The following PLEKHO2 variants were observed in gnomAD, a reference collection of about 807,000 sequenced individuals.
The protein encoded by PLEKHO2 is pleckstrin homology domain containing O2.
PLEKHO2 carries 20 observed loss-of-function variants against 32.7 expected under a neutral mutation model. The observed-to-expected ratio is 0.61, with a 90% CI of 0.43 to 0.89. The LOEUF (loss-of-function observed/expected upper bound fraction) is 0.89, where lower values mean the gene tolerates loss of function less well. Among genes scored for constraint, PLEKHO2 ranks in the 40% least tolerant of loss-of-function variants. The pLI is 0.00. For synonymous variants in PLEKHO2, 247 were observed against 246.3 expected, an observed-to-expected ratio of 1.00 and a Z score of -0.03; for missense variants, 568 against 621.2, an observed-to-expected ratio of 0.91 and a Z score of 0.91.
Position 64,841,953 on chromosome 15 carries a change from G to A in PLEKHO2, c.-64G>A. The A allele has an allele frequency of 8.1e-7, 1 of 1,241,336 alleles. No homozygotes were observed. The highest frequency in any genetic ancestry group is 1.0e-6 in the Non-Finnish European group (1 of 992,422). 76.9% of individuals were successfully genotyped at this position (1,241,336 alleles called of 1,614,324 possible). Reference sequence around the variant, plus strand: ...TCGCCGCCTGGCCGGGCGTAGACGCGGTGGCAGAGCCCGCGCGGCGCTGGA... The same window carrying A: ...TCGCCGCCTGGCCGGGCGTAGACGCAGTGGCAGAGCCCGCGCGGCGCTGGA... On this transcript the variant is annotated 5_prime_UTR_variant, in exon 1 of 6. Coordinates refer to ENST00000323544, the MANE Select transcript of PLEKHO2 (RefSeq NM_025201.5).
chr15:64,865,906 G>A lies in PLEKHO2; in HGVS notation c.*18G>A, dbSNP rs770322623. On this transcript the variant is annotated 3_prime_UTR_variant, in exon 6 of 6. Transcript: ENST00000323544. ...CACCCTAGGGCCTTCTGGGCCAGAG[G>A]CACCATCCCTTCTGGCCATCCATCA... 6.3e-6 allele frequency: 10 copies of A among 1,586,762 alleles called. No individual in the cohort carries two copies. Among genetic ancestry groups the A allele is most frequent in the Non-Finnish European group, 7.7e-6 (9 of 1,170,232 alleles).
chr15:64,854,994 A>G lies in PLEKHO2; in HGVS notation c.236A>G (p.Lys79Arg). Residue 79 changes from lysine (K) to arginine (R), a missense_variant, in exon 3 of 6, where the codon AAG becomes AGG. By Grantham distance (26) the Lys-to-Arg change is conservative. Coordinates refer to ENST00000323544, the MANE Select transcript of PLEKHO2 (RefSeq NM_025201.5). ...EKCQDLRALL[K>R]RKHRFILLRS... The stretch of plus-strand genomic sequence containing the variant: ...TGCCAGGACCTTCGTGCCCTCCTCA[A>G]GCGAAAACACCGCTTTATCCTGCTG... The G allele has an allele frequency of 1.2e-6, 2 of 1,604,172 alleles. No homozygotes were observed. Among genetic ancestry groups the G allele is most frequent in the Non-Finnish European group, 1.7e-6 (2 of 1,175,334 alleles).
At chr15:64,849,845 A>G (rs866509499) in intron 2 of PLEKHO2, among the ~76,000 whole-genome samples, 2 of 150,482 alleles carry the variant, frequency 1.3e-5, no homozygotes. Flanking sequence ...AGCCTGCTCC[A>G]TTCAGCAGTG....
chr15:64,859,168 A>G (rs753324992), intron 3 of PLEKHO2, among the ~76,000 whole-genome samples: 6 of 152,288 alleles, frequency 3.9e-5, no homozygotes, highest in South Asian at 4.1e-4. Flanking sequence ...TTATCCATTC[A>G]TCTGTCAGTG....
chr15:64,864,881 T>C lies in PLEKHO2; in HGVS notation c.484-18T>C. 2 of 1,550,430 alleles carry C rather than the reference T, an allele frequency of 1.3e-6. No homozygotes were observed. The highest frequency in any genetic ancestry group is 1.7e-6 in the Non-Finnish European group (2 of 1,155,104). ...CTAGTCAGCCAAGATGACACCCATA[T>C]ACCATCCCCCCCACCAGGTGGCCAG... On this transcript the variant is annotated intron_variant, in intron 5 of 5. Coordinates refer to ENST00000323544, the MANE Select transcript of PLEKHO2 (RefSeq NM_025201.5).
Position 64,865,280 on chromosome 15 carries a change from G to C in PLEKHO2, c.865G>C (p.Glu289Gln). ...PQEAPAAESA[E>Q]PSQAPCSETS... ...GGAGGCCCCTGCTGCAGAGAGTGCA[G>C]AACCGTCCCAGGCACCCTGTTCTGA... is the stretch of plus-strand genomic sequence containing the variant. The change falls in exon 6 of 6, where the codon GAA becomes CAA. Residue 289 changes from glutamate (E) to glutamine (Q), a missense_variant. Physicochemically the swap from Glu to Gln is conservative, Grantham distance 29. Transcript: ENST00000323544. 1.9e-6 allele frequency: 3 copies of C among 1,613,938 alleles called. No individual in the cohort carries two copies. Among genetic ancestry groups the C allele is most frequent in the Non-Finnish European group, 2.5e-6 (3 of 1,179,874 alleles).
At position 64,865,768 on chromosome 15, in the gene PLEKHO2, G is replaced by A; in HGVS notation, c.1353G>A (p.Leu451=). 2.5e-6 allele frequency: 4 copies of A among 1,614,196 alleles called. No individual in the cohort carries two copies. The highest frequency in any genetic ancestry group is 3.4e-6 in the Non-Finnish European group (4 of 1,180,030). Residue 451 remains leucine (L), a synonymous_variant, in exon 6 of 6, where the codon CTG becomes CTA. Coordinates refer to ENST00000323544, the MANE Select transcript of PLEKHO2 (RefSeq NM_025201.5). ...TGCTCAGCCAGGCTGTGGAGCAGCTGAGGCAGGCCACCCAGGTCCTGCAGG... is the reference window on the plus strand; with the variant it reads ...TGCTCAGCCAGGCTGTGGAGCAGCTAAGGCAGGCCACCCAGGTCCTGCAGG... The part of the protein sequence containing the change: ...ETLLSQAVEQ[L]RQATQVLQEM...
intron 2 of PLEKHO2, among the ~76,000 whole-genome samples, chr15:64,853,743 G>A (rs1276140126): frequency 6.6e-6 from 1 of 152,212 alleles, no homozygotes; most frequent in Non-Finnish European, 1.5e-5. Context: ...GGGAGTCAGA[G>A]GCTGTGGTTT....
At chr15:64,843,707 A>C (rs1158084412) in intron 1 of PLEKHO2, among the ~76,000 whole-genome samples, 1 of 151,402 alleles carries the variant, frequency 6.6e-6, no homozygotes, top group African/African-American at 2.4e-5. Context: ...CAGCCTCCTG[A>C]ATAGCTGGGA....
intron 3 of PLEKHO2, among the ~76,000 whole-genome samples, chr15:64,857,049 T>G (rs1433638673): frequency 6.6e-6 from 1 of 152,238 alleles, no homozygotes; most frequent in African/African-American, 2.4e-5. Context: ...AGGCAGACGC[T>G]GCCAGGAAGC....
At chr15:64,848,805 A>G in intron 2 of PLEKHO2, 63 bp downstream of exon 2, 1 of 1,600,456 alleles carries the variant, frequency 6.2e-7, no homozygotes, top group Non-Finnish European at 8.5e-7. Flanking sequence ...AGGGCATTCA[A>G]GTTAGTAGGA....
intron 4 of PLEKHO2, among the ~76,000 whole-genome samples, chr15:64,860,928 T>C (rs919313617): frequency 3.3e-5 from 5 of 152,214 alleles, no homozygotes; most frequent in African/African-American, 1.2e-4. Flanking sequence ...GCCAGGCTGC[T>C]CCAGGGTTCT....
chr15:64,851,710 A>T (rs922595400), intron 2 of PLEKHO2, among the ~76,000 whole-genome samples: 2 of 152,008 alleles, frequency 1.3e-5, no homozygotes, highest in Non-Finnish European at 2.9e-5. Context: ...AAGAGCTGGG[A>T]TGATTCAGCG....
rs74019340 is a variant in PLEKHO2 at position 64,862,413 on chromosome 15, G to A, written c.483+838G>A. Among the ~76,000 whole-genome samples, 629 of 152,160 alleles carry A rather than the reference G, an allele frequency of 4.1e-3. 6 individuals are homozygous for A. The highest frequency in any genetic ancestry group is 0.014 in the African/African-American group (590 of 41,492). Reference sequence around the variant, plus strand: ...GAGTCAGGGGATTGGACCAAGGGAAGGTTGTCTGAGGTTCCCCAAGCCTGG... The same window carrying A: ...GAGTCAGGGGATTGGACCAAGGGAAAGTTGTCTGAGGTTCCCCAAGCCTGG... On this transcript the variant is annotated intron_variant, in intron 5 of 5. Coordinates refer to ENST00000323544, the MANE Select transcript of PLEKHO2 (RefSeq NM_025201.5).
At chr15:64,851,453 T>C (rs1056021801) in intron 2 of PLEKHO2, among the ~76,000 whole-genome samples, 1 of 152,182 alleles carries the variant, frequency 6.6e-6, no homozygotes, top group Non-Finnish European at 1.5e-5. Context: ...TTTTTTCCCC[T>C]TGTTTGAAAA....
At chr15:64,855,115 G>T in intron 3 of PLEKHO2, 78 bp downstream of exon 3, 3 of 1,160,600 alleles carry the variant, frequency 2.6e-6, no homozygotes, top group Non-Finnish European at 3.8e-6. Flanking sequence ...TTTAAGGCAG[G>T]CCTGGCCCCT....
chr15:64,844,037 C>T (rs2084505763), intron 1 of PLEKHO2, among the ~76,000 whole-genome samples: 1 of 152,208 alleles, frequency 6.6e-6, no homozygotes, highest in Admixed American at 6.5e-5. Context: ...CTGCTTTCCT[C>T]CCACTTCTCC....
intron 2 of PLEKHO2, among the ~76,000 whole-genome samples, chr15:64,854,417 A>G (rs2084591959): frequency 6.6e-6 from 1 of 152,212 alleles, no homozygotes; most frequent in Non-Finnish European, 1.5e-5. Flanking sequence ...GAGGAGCACA[A>G]TTCAGGATGG....
intron 2 of PLEKHO2, among the ~76,000 whole-genome samples, chr15:64,854,010 T>G (rs1384280289): frequency 6.6e-6 from 1 of 152,170 alleles, no homozygotes; most frequent in Non-Finnish European, 1.5e-5. Flanking sequence ...AGGATCTGCT[T>G]CTGCTTCCCT....
Sources: allele counts gnomAD v4.1 joint callset (sites outside exome capture counted in the v4.1 genomes callset), GRCh38; gene constraint gnomAD v4.1.1; transcripts MANE v1.5; gene names NCBI Gene and HGNC (gene_info 2026-07-23, HGNC 2026-07-21).